The following NLRX1 variants were observed in gnomAD, a reference collection of about 807,000 sequenced individuals.
NLRX1 encodes NOD-like receptor X1.
A neutral mutation model predicts 74.2 loss-of-function variants in NLRX1; 67 were observed. The observed-to-expected ratio is 0.90, with a 90% confidence interval of 0.74 to 1.11. The LOEUF is 1.11. Ranked by LOEUF, NLRX1 falls within the 50% of genes least tolerant of loss-of-function variation. The pLI is 0.00. For synonymous variants in NLRX1, 506 were observed against 559.1 expected, an observed-to-expected ratio of 0.91 and a Z score of 1.34; for missense variants, 1,191 against 1,305.4, an observed-to-expected ratio of 0.91 and a Z score of 1.35.
Position 119,175,693 on chromosome 11 carries a change from C to A in NLRX1, c.1671+419C>A, listed in dbSNP as rs535398065. 2.0e-5 allele frequency among the ~76,000 whole-genome samples: 3 copies of A among 152,296 alleles called. No individual in the cohort carries two copies. The South Asian group carries it at 6.2e-4, about 32-fold the overall frequency. The stretch of plus-strand genomic sequence containing the variant: ...CTCTGAGAGTGATGACTCATCCTAA[C>A]TAAATCACCAGAGACGGGTTTATAA... On this transcript the variant is annotated intron_variant, in intron 6 of 9. Transcript: ENST00000409109.
intron 6 of NLRX1, among the ~76,000 whole-genome samples, chr11:119,176,361 C>A (rs1175971939): frequency 6.6e-6 from 1 of 152,192 alleles, no homozygotes; most frequent in Non-Finnish European, 1.5e-5. Context: ...AATCCTCCCA[C>A]CTCAACTTCA....
At chr11:119,176,348 A>T (rs1312993480) in intron 6 of NLRX1, among the ~76,000 whole-genome samples, 1 of 152,164 alleles carries the variant, frequency 6.6e-6, no homozygotes, top group Non-Finnish European at 1.5e-5. Flanking sequence ...TCTGGGCTCA[A>T]GCAATCCTCC....
In NLRX1 at chr11:119,174,865, T is replaced by G; in HGVS notation, c.1262T>G (p.Leu421Arg). Residue 421 changes from leucine (L) to arginine (R), a missense_variant, in exon 6 of 10, where the codon CTG becomes CGG. Leu to Arg is a moderately radical substitution (Grantham distance 102). Transcript: ENST00000409109. Reference sequence around the variant, plus strand: ...AGCACTGACCCCTCCAATTTGTCCCTGATGGCCTATGCAGCCCGAACCATG... The same window carrying G: ...AGCACTGACCCCTCCAATTTGTCCCGGATGGCCTATGCAGCCCGAACCATG... ...LDSTDPSNLS[L>R]MAYAARTMGK... 1 of 1,614,080 alleles carries G rather than the reference T, an allele frequency of 6.2e-7. No individual in the cohort carries two copies. The highest frequency in any genetic ancestry group is 8.5e-7 in the Non-Finnish European group (1 of 1,180,034).
Position 119,182,337 on chromosome 11 carries a change from A to G in NLRX1, c.2598A>G (p.Glu866=). 6.2e-7 allele frequency: 1 copy of G among 1,612,082 alleles called. No individual in the cohort carries two copies. Among genetic ancestry groups the G allele is most frequent in the African/African-American group, 1.3e-5 (1 of 75,006 alleles). ...ARAAREHPSL[E]LLHLYFNELS... is the part of the protein sequence containing the mutation. ...CTGCCCGGGAGCACCCTTCCCTGGA[A>G]CTGCTACAGTGAGTCCTGTCCCTGG... Residue 866 remains glutamate, a synonymous_variant, in exon 9 of 10, where the codon GAA becomes GAG. Transcript: ENST00000409109.
At chr11:119,177,092 GT>G (rs995920940) in intron 6 of NLRX1, among the ~76,000 whole-genome samples, 2 of 151,820 alleles carry the variant, frequency 1.3e-5, no homozygotes, top group Non-Finnish European at 2.9e-5. Flanking sequence ...TTGTTTGTTT[GT>G]TTTTTTGAGA....
At position 119,174,420 on chromosome 11, in the gene NLRX1, G is replaced by T. The variant is rs756391419; in HGVS notation, c.850-33G>T. On this transcript the variant is annotated intron_variant, in intron 5 of 9. Transcript: ENST00000409109. ...TAGAAGCAGTCAACAGGACACTAAG[G>T]TCTTTCTTAACTCTCAACCATGCTC... The T allele has an allele frequency of 5.6e-5, 89 of 1,591,470 alleles. No homozygotes were observed. In the South Asian group the frequency reaches 8.8e-4, roughly 16 times the overall value.
At chr11:119,175,759 G>A (rs973560108) in intron 6 of NLRX1, among the ~76,000 whole-genome samples, 5 of 152,132 alleles carry the variant, frequency 3.3e-5, no homozygotes, top group African/African-American at 1.2e-4. Flanking sequence ...GAAGATAAAT[G>A]GCATTGGTAA....
rs568546412 is a variant in NLRX1, at chr11:119,178,698, C to CTTT, written c.1672-980_1672-978dup. Among the ~76,000 whole-genome samples, 1,031 of 126,520 alleles carry CTTT rather than the reference C, an allele frequency of 8.1e-3. 13 individuals are homozygous for CTTT. The highest frequency in any genetic ancestry group is 0.028 in the African/African-American group (963 of 34,264). 83.0% of individuals were successfully genotyped at this position (126,520 alleles called of 152,430 possible). The stretch of plus-strand genomic sequence containing the variant: ...CCAGGAAAGGGCAGCACCCTGGAGG[C>CTTT]TTTTTTTTTTTTTTTTTCTCTTGAG... On this transcript the variant is annotated intron_variant, in intron 6 of 9. Transcript: ENST00000409109.
At chr11:119,180,475 C>T (rs967767361) in intron 7 of NLRX1, among the ~76,000 whole-genome samples, 187 bp downstream of exon 7, 10 of 152,216 alleles carry the variant, frequency 6.6e-5, no homozygotes, top group African/African-American at 1.4e-4. Context: ...GAGCCCAAGG[C>T]GGGCGTATCA....
rs1948615530 is a variant in NLRX1, at chr11:119,173,787, G to A, written c.538G>A (p.Val180Ile). 2 of 1,613,482 alleles carry A rather than the reference G, an allele frequency of 1.2e-6. No homozygotes were observed. The highest frequency in any genetic ancestry group is 1.7e-6 in the Non-Finnish European group (2 of 1,180,046). ...TGKSTLVRKM[V>I]LDWCYGRLPA... ...CAAGAGCACGCTGGTGCGCAAGATG[G>A]TTCTGGACTGGTGTTATGGGCGGCT... Residue 180 changes from valine to isoleucine, a missense_variant, in exon 5 of 10, where the codon GTT becomes ATT. Val to Ile is a conservative substitution (Grantham distance 29). Transcript: ENST00000409109. The surrounding 1 kb of genome is among the most constrained non-coding windows in gnomAD (Gnocchi z 4.0).
chr11:119,174,336 T>C, intron 5 of NLRX1, 117 bp from the exon 6 acceptor site: 1 of 1,158,552 alleles, frequency 8.6e-7, no homozygotes, highest in Non-Finnish European at 1.2e-6. Context: ...TAGTTATAAC[T>C]GTTATCCTCA....
At position 119,173,810 on chromosome 11, in the gene NLRX1, G is replaced by T. The variant is rs778203206; in HGVS notation, c.561G>T (p.Arg187=). 10 of 1,613,462 alleles carry T rather than the reference G, an allele frequency of 6.2e-6. No homozygotes were observed. In the East Asian group the frequency reaches 1.8e-4, roughly 29 times the overall value. Residue 187 remains arginine, a synonymous_variant, in exon 5 of 10, where the codon CGG becomes CGT. Coordinates refer to ENST00000409109, the MANE Select transcript of NLRX1 (RefSeq NM_001282144.2). This position sits in a 1 kb window ranked among gnomAD's most constrained non-coding sequence, Gnocchi z 4.0. ...RKMVLDWCYG[R]LPAFELLIPF... Reference sequence around the variant, plus strand: ...TGGTTCTGGACTGGTGTTATGGGCGGCTGCCGGCCTTCGAGCTGCTCATCC... The same window carrying T: ...TGGTTCTGGACTGGTGTTATGGGCGTCTGCCGGCCTTCGAGCTGCTCATCC...
In NLRX1 at chr11:119,174,905, T is replaced by C. The variant is rs1346601605; in HGVS notation, c.1302T>C (p.Tyr434=). The C allele has an allele frequency of 1.2e-6, 2 of 1,613,940 alleles. No individual in the cohort carries two copies. The highest frequency in any genetic ancestry group is 8.5e-7 in the Non-Finnish European group (1 of 1,180,048). Residue 434 remains tyrosine, a synonymous_variant, in exon 6 of 10, where the codon TAT becomes TAC. Coordinates refer to ENST00000409109, the MANE Select transcript of NLRX1 (RefSeq NM_001282144.2). ...CCCGAACCATGGGCAAGTTGGCCTA[T>C]GAGGGGGTGTCCTCCCGCAAGACCT... The part of the protein sequence containing the change: ...YAARTMGKLA[Y]EGVSSRKTYF...
Position 119,174,629 on chromosome 11 carries a change from C to T in NLRX1, c.1026C>T (p.Ala342=). 6.2e-7 allele frequency: 1 copy of T among 1,614,092 alleles called. No homozygotes were observed. Residue 342 remains alanine (A), a synonymous_variant, in exon 6 of 10, where the codon GCC becomes GCT. Transcript: ENST00000409109. ...GYAVGGSGVS[A]TPAQRDHLVQ... ...CCGTTGGCGGTTCAGGTGTCTCTGC[C>T]ACACCAGCTCAGCGTGACCACCTGG... is the stretch of plus-strand genomic sequence containing the variant.
At position 119,174,107 on chromosome 11, in the gene NLRX1, C is replaced by T. The variant is rs186898098; in HGVS notation, c.849+9C>T. 3.0e-5 allele frequency: 48 copies of T among 1,611,984 alleles called. No individual in the cohort carries two copies. In the African/African-American group the frequency reaches 5.5e-4, roughly 18 times the overall value. Reference sequence around the variant, plus strand: ...AATACATGCTGCCTCAGGTGGGTGGCCCTTTACCCCAGGTTATCACTGCTG... The same window carrying T: ...AATACATGCTGCCTCAGGTGGGTGGTCCTTTACCCCAGGTTATCACTGCTG... On this transcript the variant is annotated intron_variant, in intron 5 of 9. Transcript: ENST00000409109.
In NLRX1 at chr11:119,179,840, C is replaced by T. The variant is rs370852951; in HGVS notation, c.1819C>T (p.Pro607Ser). 7 of 1,613,810 alleles carry T rather than the reference C, an allele frequency of 4.3e-6. No individual in the cohort carries two copies. In the African/African-American group the frequency reaches 9.3e-5, roughly 22 times the overall value. ...MGASILGVEG[P>S]RRHPDEPPED... Reference sequence around the variant, plus strand: ...CGCCAGTATCCTGGGCGTGGAGGGCCCCCGGCGCCACCCAGATGAGCCCCC... The same window carrying T: ...CGCCAGTATCCTGGGCGTGGAGGGCTCCCGGCGCCACCCAGATGAGCCCCC... Residue 607 changes from proline to serine, a missense_variant, in exon 7 of 10, where the codon CCC becomes TCC. Pro to Ser is a moderately conservative substitution (Grantham distance 74). Coordinates refer to ENST00000409109, the MANE Select transcript of NLRX1 (RefSeq NM_001282144.2).
rs1446493715 is a variant in NLRX1 at position 119,169,288 on chromosome 11, AG to A, written c.-61del. The A allele has an allele frequency of 1.3e-5, 2 of 152,518 alleles. No homozygotes were observed. Among genetic ancestry groups the A allele is most frequent in the Admixed American group, 1.3e-4 (2 of 15,286 alleles). 9.4% of individuals were successfully genotyped at this position (152,518 alleles called of 1,614,324 possible). On this transcript the variant is annotated 5_prime_UTR_variant, in exon 1 of 10. Coordinates refer to ENST00000409109, the MANE Select transcript of NLRX1 (RefSeq NM_001282144.2). ...TTTGGTGGAGGAGCTCTGGACCTGTAGGAACACCGCCCCTGTACGTTTCCTG... is the reference window on the plus strand; with the variant it reads ...TTTGGTGGAGGAGCTCTGGACCTGTAGAACACCGCCCCTGTACGTTTCCTG...
Position 119,181,268 on chromosome 11 carries a change from T to A in NLRX1, c.2354+11T>A. ...AATTACCACACTGCGGTGAGTGACC[T>A]GGGAGTGGGGCATCCTGGTGGCCAG... On this transcript the variant is annotated intron_variant, in intron 8 of 9. Coordinates refer to ENST00000409109, the MANE Select transcript of NLRX1 (RefSeq NM_001282144.2). 1 of 1,609,010 alleles carries A rather than the reference T, an allele frequency of 6.2e-7. No homozygotes were observed. The highest frequency in any genetic ancestry group is 8.5e-7 in the Non-Finnish European group (1 of 1,175,938).
rs1231718275 is a variant in NLRX1 at position 119,180,161 on chromosome 11, A to T, written c.2140A>T (p.Thr714Ser). ...AGVRMTPVKC[T>S]VVAAVLGSGR... is the part of the protein sequence containing the mutation. ...TGTGCGCATGACACCAGTCAAGTGC[A>T]CAGTGGTGGCAGCTGTGCTGGGCAG... Residue 714 changes from threonine to serine, a missense_variant, in exon 7 of 10, where the codon ACA becomes TCA. Coordinates refer to ENST00000409109, the MANE Select transcript of NLRX1 (RefSeq NM_001282144.2). 1.2e-6 allele frequency: 2 copies of T among 1,613,444 alleles called. No individual in the cohort carries two copies. Among genetic ancestry groups the T allele is most frequent in the Non-Finnish European group, 1.7e-6 (2 of 1,179,702 alleles).
Sources: gnomAD v4.1 joint callset for allele counts (sites outside exome capture counted in the v4.1 genomes callset) on GRCh38, gnomAD v4.1.1 for gene constraint, Gnocchi (gnomAD v3.1) non-coding constraint, MANE v1.5 for transcripts, NCBI Gene and HGNC (gene_info 2026-07-23, HGNC 2026-07-21) for gene names.